The following LRMDA variants were observed in gnomAD, a reference collection of about 807,000 sequenced individuals.
LRMDA encodes the protein leucine-rich melanocyte differentiation-associated protein.
LRMDA carries 18 observed loss-of-function variants against 29.8 expected under a neutral mutation model. The ratio of observed to expected loss-of-function variants is 0.60; its 90% CI spans 0.42 to 0.90. LRMDA has a LOEUF of 0.90. LRMDA is among the 40% of genes least tolerant of loss of function. The pLI, the probability that LRMDA is intolerant of heterozygous loss-of-function variation, is 0.00. For synonymous variants in LRMDA, 125 were observed against 109.4 expected, an observed-to-expected ratio of 1.14 and a Z score of -0.89; for missense variants, 273 against 273.9, an observed-to-expected ratio of 1.00 and a Z score of 0.02.
intron 2 of LRMDA, among the ~76,000 whole-genome samples, chr10:75,938,993 CAAT>C (rs58130926): frequency 0.012 from 1,783 of 152,294 alleles, 44 homozygotes; most frequent in African/African-American, 0.041. Context: ...TCAATAGCAC[CAAT>C]TACCTTAGTG....
chr10:75,518,554 T>C (rs1589167035), intron 2 of LRMDA, among the ~76,000 whole-genome samples: 1 of 152,352 alleles, frequency 6.6e-6, no homozygotes, highest in Admixed American at 6.5e-5. Flanking sequence ...ATGTCCCTTT[T>C]ATCATTTTTT....
intron 5 of LRMDA, among the ~76,000 whole-genome samples, chr10:76,320,109 A>G (rs1333083773): frequency 6.6e-6 from 1 of 152,192 alleles, no homozygotes; most frequent in South Asian, 2.1e-4. Flanking sequence ...CACCGAGTGA[A>G]ATTCTCGCTT....
At chr10:76,356,729 A>G (rs1039520983) in intron 6 of LRMDA, among the ~76,000 whole-genome samples, 10 of 152,174 alleles carry the variant, frequency 6.6e-5, no homozygotes, top group African/African-American at 2.4e-4. Flanking sequence ...TTTACAAATA[A>G]TGGCTTGTGT....
chr10:75,434,148 CA>C (rs1457071302), intron 1 of LRMDA, among the ~76,000 whole-genome samples: 1 of 152,186 alleles, frequency 6.6e-6, no homozygotes, highest in African/African-American at 2.4e-5. Flanking sequence ...ATCGTAGACA[CA>C]AATACAAACT....
chr10:75,864,522 C>T (rs146288041), intron 2 of LRMDA, among the ~76,000 whole-genome samples: 14 of 152,276 alleles, frequency 9.2e-5, no homozygotes, highest in Admixed American at 6.5e-4. Context: ...TACTATTTGA[C>T]CACATCCTTA....
At chr10:75,900,930 G>T (rs1236318073) in intron 2 of LRMDA, among the ~76,000 whole-genome samples, 1 of 152,182 alleles carries the variant, frequency 6.6e-6, no homozygotes, top group Non-Finnish European at 1.5e-5. Flanking sequence ...TATTTGCAGA[G>T]ATTTCTTCAT....
At chr10:75,703,019 A>G (rs1842326785) in intron 2 of LRMDA, among the ~76,000 whole-genome samples, 1 of 152,234 alleles carries the variant, frequency 6.6e-6, no homozygotes, top group South Asian at 2.1e-4. Flanking sequence ...CCTGAAAAAT[A>G]TATACACCCT....
chr10:75,435,182 A>G (rs753936337), intron 1 of LRMDA, among the ~76,000 whole-genome samples: 9 of 152,226 alleles, frequency 5.9e-5, no homozygotes, highest in Non-Finnish European at 1.0e-4. Flanking sequence ...ACTAAATGCA[A>G]TGGTGTTCTG....
intron 2 of LRMDA, among the ~76,000 whole-genome samples, chr10:75,754,686 C>A (rs914467700): frequency 1.3e-5 from 2 of 152,158 alleles, no homozygotes; most frequent in Admixed American, 1.3e-4. Context: ...ATTTTCAACT[C>A]AGCATTTTTA....
chr10:76,350,206 C>T lies in LRMDA; in HGVS notation c.601+25721C>T, dbSNP rs182780620. On this transcript the variant is annotated intron_variant, in intron 6 of 6. Coordinates refer to ENST00000611255, the MANE Select transcript of LRMDA (RefSeq NM_001305581.2). ...TAAATAAATTCTGACCTGATAGGAA[C>T]GACCAATGGGATTTATTTATTTCTA... Among the ~76,000 whole-genome samples, 324 of 151,612 alleles carry T rather than the reference C, an allele frequency of 2.1e-3. 1 individual carries two copies. The highest frequency in any genetic ancestry group is 7.2e-3 in the African/African-American group (296 of 41,372).
chr10:75,453,254 T>G (rs1294491195), intron 2 of LRMDA, among the ~76,000 whole-genome samples: 1 of 152,240 alleles, frequency 6.6e-6, no homozygotes, highest in Non-Finnish European at 1.5e-5. Flanking sequence ...TTTGTCCAAA[T>G]GTGGCATTTA....
intron 6 of LRMDA, among the ~76,000 whole-genome samples, chr10:76,449,519 G>T (rs1842385775): frequency 6.6e-6 from 1 of 151,672 alleles, no homozygotes; most frequent in Non-Finnish European, 1.5e-5. Flanking sequence ...AAATATTTTT[G>T]GTGAGCTGTA....
At chr10:75,565,062 T>C (rs1840352559) in intron 2 of LRMDA, among the ~76,000 whole-genome samples, 1 of 152,236 alleles carries the variant, frequency 6.6e-6, no homozygotes, top group Admixed American at 6.5e-5. Context: ...TCATTTTGAT[T>C]GACTGATCCA....
At chr10:76,418,566 A>AT (rs1413935458) in intron 6 of LRMDA, among the ~76,000 whole-genome samples, 5 of 151,834 alleles carry the variant, frequency 3.3e-5, no homozygotes, top group African/African-American at 1.2e-4. Context: ...CTGTACACAA[A>AT]TCTCCCTGTA....
chr10:75,798,037 G>T (rs543748580), intron 2 of LRMDA, among the ~76,000 whole-genome samples: 143 of 152,152 alleles, frequency 9.4e-4, no homozygotes, highest in African/African-American at 3.4e-3. Flanking sequence ...GTATTTCATT[G>T]TAGTTTTAAT....
intron 2 of LRMDA, among the ~76,000 whole-genome samples, chr10:75,547,281 AG>A (rs1019263275): frequency 1.3e-5 from 2 of 152,174 alleles, no homozygotes; most frequent in African/African-American, 4.8e-5. Context: ...AACCACTTGT[AG>A]GGTTATTTTA....
At chr10:75,870,478 C>G (rs141767204) in intron 2 of LRMDA, among the ~76,000 whole-genome samples, 4 of 152,352 alleles carry the variant, frequency 2.6e-5, no homozygotes, top group Non-Finnish European at 4.4e-5. Flanking sequence ...AAGACTGACT[C>G]TCTCCCTTAT....
At chr10:76,375,590 C>A (rs948220274) in intron 6 of LRMDA, among the ~76,000 whole-genome samples, 2 of 152,150 alleles carry the variant, frequency 1.3e-5, no homozygotes, top group Non-Finnish European at 2.9e-5. Flanking sequence ...ATCTGACTGA[C>A]AAACTGCTGG....
At chr10:75,934,031 C>T (rs1846247163) in intron 2 of LRMDA, among the ~76,000 whole-genome samples, 1 of 152,188 alleles carries the variant, frequency 6.6e-6, no homozygotes, top group African/African-American at 2.4e-5. Flanking sequence ...GACCAAGCAG[C>T]TCCAGCCTTC....
Sources: allele counts gnomAD v4.1 joint callset (sites outside exome capture counted in the v4.1 genomes callset), GRCh38; gene constraint gnomAD v4.1.1; transcripts MANE v1.5; gene names NCBI Gene and HGNC (gene_info 2026-07-23, HGNC 2026-07-21).